Variants in UCN3 observed in about 807,000 individuals in gnomAD.
UCN3 encodes the protein urocortin 3, also known as urocortin-3.
Under a neutral mutation model 3.6 loss-of-function variants are expected in UCN3, and 3 were observed. The ratio of observed to expected loss-of-function variants is 0.83; its 90% CI spans 0.38 to 2.15. The LOEUF (loss-of-function observed/expected upper bound fraction) is 2.15, where lower values mean the gene tolerates loss of function less well. Ranked by LOEUF, UCN3 falls within the 30% of genes most tolerant of loss-of-function variation. The probability of loss-of-function intolerance (pLI) is 0.06; values close to 1 mark genes in which losing one functional copy is unlikely to be tolerated. For synonymous variants in UCN3, 100 were observed against 93.2 expected, an observed-to-expected ratio of 1.07 and a Z score of -0.42; for missense variants, 206 against 208.3, an observed-to-expected ratio of 0.99 and a Z score of 0.07.
At chr10:5,369,751 T>G (rs1206920768) in intron 1 of UCN3, among the ~76,000 whole-genome samples, 5 of 152,218 alleles carry the variant, frequency 3.3e-5, no homozygotes, top group Admixed American at 1.3e-4. Flanking sequence ...CAAAACCTGA[T>G]TTCTTAGACA....
chr10:5,370,931 G>GTGTGTGTTTATGTGTGTGTA (rs1564443851), intron 1 of UCN3, among the ~76,000 whole-genome samples: 1 of 129,668 alleles, frequency 7.7e-6, no homozygotes, highest in Non-Finnish European at 1.6e-5. Context: ...GTGTGTATAT[G>GTGTGTGTTTATGTGTGTGTA]TGTGTTCATG....
chr10:5,374,041 A>T lies in UCN3; in HGVS notation c.321A>T (p.Pro107=). The T allele has an allele frequency of 6.2e-7, 1 of 1,612,900 alleles. No individual in the cohort carries two copies. The highest frequency in any genetic ancestry group is 1.1e-5 in the South Asian group (1 of 90,846). Reference sequence around the variant, plus strand: ...CCCAAGCACAGCCCAGGGGAAAGCCACGCCAGGACACGGCCAAGAGTCCCC... The same window carrying T: ...CCCAAGCACAGCCCAGGGGAAAGCCTCGCCAGGACACGGCCAAGAGTCCCC... The part of the protein sequence containing the change: ...YVSQAQPRGK[P]RQDTAKSPHR... The change falls in exon 2 of 2, where the codon CCA becomes CCT. Residue 107 remains proline, a synonymous_variant. Transcript: ENST00000380433.
chr10:5,372,543 T>G (rs1167488624), intron 1 of UCN3, among the ~76,000 whole-genome samples: 1 of 152,104 alleles, frequency 6.6e-6, no homozygotes, highest in Admixed American at 6.5e-5. Context: ...ATGCTAATGC[T>G]TAGGGTTTTT....
rs1239212411 is a variant in UCN3 at position 5,367,122 on chromosome 10, T to C, written c.-7+1892T>C. On this transcript the variant is annotated intron_variant, in intron 1 of 1. Coordinates refer to ENST00000380433, the MANE Select transcript of UCN3 (RefSeq NM_053049.4). This position sits in a 1 kb window ranked among gnomAD's most constrained non-coding sequence, Gnocchi z 4.3. ...ACTCCCTCTCCCCAATGCCTTGCTTTTGTAACTGAGATGAGACAGGTAGCA... is the reference window on the plus strand; with the variant it reads ...ACTCCCTCTCCCCAATGCCTTGCTTCTGTAACTGAGATGAGACAGGTAGCA... Among the ~76,000 whole-genome samples, 1 of 152,236 alleles carries C rather than the reference T, an allele frequency of 6.6e-6. No homozygotes were observed. The highest frequency in any genetic ancestry group is 6.5e-5 in the Admixed American group (1 of 15,284).
intron 1 of UCN3, among the ~76,000 whole-genome samples, chr10:5,369,319 ATCT>A (rs1463515880): frequency 6.6e-6 from 1 of 152,162 alleles, no homozygotes; most frequent in Non-Finnish European, 1.5e-5. Context: ...TGCAGACCAG[ATCT>A]TCTCCTAAGA....
rs782423413 is a variant in UCN3 at position 5,365,649 on chromosome 10, G to A, written c.-7+419G>A. Among the ~76,000 whole-genome samples, 6 of 152,204 alleles carry A rather than the reference G, an allele frequency of 3.9e-5. No homozygotes were observed. The highest frequency in any genetic ancestry group is 5.9e-5 in the Non-Finnish European group (4 of 68,034). ...GACTCCACGCCGCCTGCAAAGCAGC[G>A]AGGACACCTGCACTTACTGTTTACC... On this transcript the variant is annotated intron_variant, in intron 1 of 1. Coordinates refer to ENST00000380433, the MANE Select transcript of UCN3 (RefSeq NM_053049.4). The surrounding 1 kb of genome is among the most constrained non-coding windows in gnomAD (Gnocchi z 4.4).
rs1331650675 is a variant in UCN3, at chr10:5,366,975, C to A, written c.-7+1745C>A. ...GCACCCTAGCCGTGATTACAGTATT[C>A]TTCTCTGATGGTAGACTTGGGATTT... On this transcript the variant is annotated intron_variant, in intron 1 of 1. Transcript: ENST00000380433. This position sits in a 1 kb window ranked among gnomAD's most constrained non-coding sequence, Gnocchi z 4.2. Among the ~76,000 whole-genome samples, 1 of 152,196 alleles carries A rather than the reference C, an allele frequency of 6.6e-6. No homozygotes were observed. Among genetic ancestry groups the A allele is most frequent in the Non-Finnish European group, 1.5e-5 (1 of 68,032 alleles).
At chr10:5,373,633 A>G in intron 1 of UCN3, 82 bp from the exon 2 acceptor site, 2 of 1,527,472 alleles carry the variant, frequency 1.3e-6, no homozygotes, top group South Asian at 1.3e-5. Context: ...CATTAACAAC[A>G]CCCTAGTAGA....
rs1324404771 is a variant in UCN3 at position 5,365,880 on chromosome 10, T to G, written c.-7+650T>G. ...TGCCACACTAGGAACATTGCGGGGG[T>G]GTGTGCAGATACCTACAATGGCTAA... On this transcript the variant is annotated intron_variant, in intron 1 of 1. Transcript: ENST00000380433. This position sits in a 1 kb window ranked among gnomAD's most constrained non-coding sequence, Gnocchi z 4.4. 2.6e-5 allele frequency among the ~76,000 whole-genome samples: 4 copies of G among 152,070 alleles called. No homozygotes were observed. Among genetic ancestry groups the G allele is most frequent in the East Asian group, 1.9e-4 (1 of 5,176 alleles).
At chr10:5,370,687 ATGTGTGTATATGTGTGTGTATATGATG>A (rs1831387372) in intron 1 of UCN3, among the ~76,000 whole-genome samples, 1 of 40,338 alleles carries the variant, frequency 2.5e-5, no homozygotes, top group South Asian at 1.4e-3. Context: ...GTGTGTGTGT[ATGTGTGTATATGTGTGTGTATATGATG>A]TGTGTGTATA....
At chr10:5,370,204 C>CGTGTGTGTGTGT (rs1564442520) in intron 1 of UCN3, among the ~76,000 whole-genome samples, 1 of 5,460 alleles carries the variant, frequency 1.8e-4, no homozygotes, top group Non-Finnish European at 3.0e-4. Context: ...TGTGTATATG[C>CGTGTGTGTGTGT]GTGTGTATGT....
At chr10:5,371,179 G>A (rs1408638209) in intron 1 of UCN3, among the ~76,000 whole-genome samples, 1 of 151,020 alleles carries the variant, frequency 6.6e-6, no homozygotes, top group Non-Finnish European at 1.5e-5. Flanking sequence ...GTATGTATGT[G>A]CATATGTGTA....
At chr10:5,370,862 CGTGT>C (rs1319076011) in intron 1 of UCN3, among the ~76,000 whole-genome samples, 2 of 45,332 alleles carry the variant, frequency 4.4e-5, no homozygotes, top group Non-Finnish European at 8.5e-5. Flanking sequence ...CGTGTGTGTG[CGTGT>C]GTATGTGTGT....
intron 1 of UCN3, among the ~76,000 whole-genome samples, chr10:5,368,030 G>A (rs909400558): frequency 7.9e-5 from 12 of 152,000 alleles, no homozygotes; most frequent in African/African-American, 2.7e-4. Flanking sequence ...TTGAGACAGA[G>A]TCTCACTCTT....
chr10:5,370,378 C>T (rs62651865), intron 1 of UCN3, among the ~76,000 whole-genome samples: 531 of 6,708 alleles, frequency 0.079, 125 homozygotes, highest in East Asian at 0.097. Flanking sequence ...TGTGTATATG[C>T]GTGTATATGC....
Position 5,374,032 on chromosome 10 carries a change from G to A in UCN3, c.312G>A (p.Arg104=), listed in dbSNP as rs781875175. Residue 104 remains arginine, a synonymous_variant, in exon 2 of 2, where the codon AGG becomes AGA. Coordinates refer to ENST00000380433, the MANE Select transcript of UCN3 (RefSeq NM_053049.4). ...GATACGTGTCCCAAGCACAGCCCAGGGGAAAGCCACGCCAGGACACGGCCA... is the reference window on the plus strand; with the variant it reads ...GATACGTGTCCCAAGCACAGCCCAGAGGAAAGCCACGCCAGGACACGGCCA... ...RYRYVSQAQP[R]GKPRQDTAKS... 2 of 1,612,508 alleles carry A rather than the reference G, an allele frequency of 1.2e-6. No individual in the cohort carries two copies. Among genetic ancestry groups the A allele is most frequent in the East Asian group, 2.2e-5 (1 of 44,806 alleles).
At chr10:5,370,445 ATGTG>A (rs1198154533) in intron 1 of UCN3, among the ~76,000 whole-genome samples, 3 of 50,848 alleles carry the variant, frequency 5.9e-5, no homozygotes, top group African/African-American at 1.7e-4. Context: ...ATGCGTGTGT[ATGTG>A]TGTGTGTATA....
intron 1 of UCN3, among the ~76,000 whole-genome samples, chr10:5,370,862 C>CGCGTGTGTGTGCGT (rs1481819542): frequency 2.2e-5 from 1 of 45,332 alleles, no homozygotes; most frequent in African/African-American, 9.6e-5. Context: ...CGTGTGTGTG[C>CGCGTGTGTGTGCGT]GTGTGTATGT....
chr10:5,372,937 T>C (rs77324987), intron 1 of UCN3, among the ~76,000 whole-genome samples: 7,993 of 152,090 alleles, frequency 0.053, 329 homozygotes, highest in East Asian at 0.12. Flanking sequence ...CTCTCAGTGT[T>C]TCCTTCTTGC....
Sources: allele counts gnomAD v4.1 joint callset (sites outside exome capture counted in the v4.1 genomes callset), GRCh38; gene constraint gnomAD v4.1.1; non-coding constraint Gnocchi (gnomAD v3.1); transcripts MANE v1.5; gene names NCBI Gene and HGNC (gene_info 2026-07-23, HGNC 2026-07-21).